GLI2: variants seen among roughly 807,000 people sequenced by gnomAD.
GLI2 encodes transcription activator GLI2.
In GLI2, 22 loss-of-function variants were observed where a neutral mutation model predicts 78.9. The ratio of observed to expected loss-of-function variants is 0.28; its 90% CI spans 0.20 to 0.40. GLI2 has a LOEUF of 0.40. Ranked by LOEUF, GLI2 falls within the 10% of genes least tolerant of loss-of-function variation. The pLI is 1.00. For missense variants in GLI2, 2,097 were observed against 2,213.2 expected, an observed-to-expected ratio of 0.95 and a Z score of 1.05; for synonymous variants, 974 against 963.7, an observed-to-expected ratio of 1.01 and a Z score of -0.20.
intron 2 of GLI2, among the ~76,000 whole-genome samples, chr2:120,816,005 C>G (rs1269321223): frequency 6.6e-6 from 1 of 152,104 alleles, no homozygotes; most frequent in African/African-American, 2.4e-5. Flanking sequence ...TTGTATGACC[C>G]TCCCCCTTGG....
intron 2 of GLI2, among the ~76,000 whole-genome samples, chr2:120,870,153 C>T (rs747096997): frequency 6.6e-6 from 1 of 152,214 alleles, no homozygotes; most frequent in African/African-American, 2.4e-5. Context: ...GTCCAGACAC[C>T]TGGCCTGCCA....
intron 4 of GLI2, among the ~76,000 whole-genome samples, chr2:120,952,316 C>G (rs1394612269): frequency 6.6e-6 from 1 of 152,236 alleles, no homozygotes; most frequent in African/African-American, 2.4e-5. Context: ...TAGAGGACAT[C>G]TGCAACTTGA....
chr2:120,736,595 G>A, intron 1 of GLI2, among the ~76,000 whole-genome samples: 1 of 151,670 alleles, frequency 6.6e-6, no homozygotes, highest in Non-Finnish European at 1.5e-5. Flanking sequence ...GGGGTGCACA[G>A]CGAGCCGGCC....
At chr2:120,827,537 T>G (rs1686141982) in intron 2 of GLI2, among the ~76,000 whole-genome samples, 1 of 152,150 alleles carries the variant, frequency 6.6e-6, no homozygotes, top group Non-Finnish European at 1.5e-5. Flanking sequence ...CCTTTTGGAT[T>G]TAGACTCAGA....
chr2:120,762,131 G>A (rs908409105), intron 1 of GLI2, among the ~76,000 whole-genome samples: 17 of 152,266 alleles, frequency 1.1e-4, no homozygotes, highest in African/African-American at 4.1e-4. Context: ...TAATGAGACC[G>A]AGTAGCCCAA....
chr2:120,858,501 C>T (rs1226714338), intron 2 of GLI2, among the ~76,000 whole-genome samples: 3 of 152,226 alleles, frequency 2.0e-5, no homozygotes, highest in African/African-American at 7.2e-5. Context: ...TGGCCTCTCG[C>T]CTCCACCCTT....
Position 120,781,129 on chromosome 2 carries a change from G to A in GLI2, c.-30-16162G>A, listed in dbSNP as rs147210654. Among the ~76,000 whole-genome samples the A allele has an allele frequency of 3.5e-3, 534 of 152,342 alleles. 3 individuals carry two copies. The highest frequency in any genetic ancestry group is 0.012 in the African/African-American group (505 of 41,570). ...GCTGTCCCTGCTTCTGGGCCTGGTG[G>A]GAGGCTGAGATGAGAGAATAGGAGC... is the stretch of plus-strand genomic sequence containing the variant. On this transcript the variant is annotated intron_variant, in intron 1 of 13. Transcript: ENST00000361492.
chr2:120,741,658 CGGCTTTTCCGCCACGCGGAGCGCT>C (rs1018366094), intron 1 of GLI2, among the ~76,000 whole-genome samples: 1 of 152,112 alleles, frequency 6.6e-6, no homozygotes, highest in Non-Finnish European at 1.5e-5. Flanking sequence ...CCCTCCGCGC[CGGCTTTTCCGCCACGCGGAGCGCT>C]GGCTGGCGAG....
intron 2 of GLI2, among the ~76,000 whole-genome samples, chr2:120,815,642 C>G (rs1685460372): frequency 6.6e-6 from 1 of 152,214 alleles, no homozygotes; most frequent in African/African-American, 2.4e-5. Flanking sequence ...AGAGTGCCTT[C>G]CCCTGCTTTT....
At chr2:120,886,887 C>T (rs1231941301) in intron 2 of GLI2, among the ~76,000 whole-genome samples, 11 of 152,196 alleles carry the variant, frequency 7.2e-5, no homozygotes, top group African/African-American at 1.2e-4. Context: ...GAAGATGCCA[C>T]GGTCTGTCTG....
At chr2:120,934,630 A>G (rs1244587649) in intron 3 of GLI2, among the ~76,000 whole-genome samples, 3 of 152,206 alleles carry the variant, frequency 2.0e-5, no homozygotes, top group Admixed American at 1.3e-4. Context: ...GCTGGTGGGC[A>G]TGGGGGCCTC....
chr2:120,879,117 C>A (rs143988944), intron 2 of GLI2, among the ~76,000 whole-genome samples: 13 of 152,220 alleles, frequency 8.5e-5, no homozygotes, highest in Non-Finnish European at 1.8e-4. Flanking sequence ...GGCATTAGCT[C>A]ATGGATCTCG....
intron 1 of GLI2, among the ~76,000 whole-genome samples, chr2:120,773,374 A>G (rs1260432347): frequency 6.6e-6 from 1 of 152,128 alleles, no homozygotes; most frequent in African/African-American, 2.4e-5. Context: ...GTGAGGGGGA[A>G]GAATCCCACA....
chr2:120,830,233 C>T (rs192272190), intron 2 of GLI2, among the ~76,000 whole-genome samples: 2 of 152,266 alleles, frequency 1.3e-5, no homozygotes, highest in Admixed American at 6.5e-5. Flanking sequence ...GTGCCATCAC[C>T]GGGTCGTGTC....
At chr2:120,929,547 T>C (rs1220029466) in intron 3 of GLI2, among the ~76,000 whole-genome samples, 1 of 152,182 alleles carries the variant, frequency 6.6e-6, no homozygotes, top group Non-Finnish European at 1.5e-5. Context: ...GTATATTTGG[T>C]TGTCTATTGT....
At chr2:120,763,284 A>G (rs1337913241) in intron 1 of GLI2, among the ~76,000 whole-genome samples, 2 of 152,174 alleles carry the variant, frequency 1.3e-5, no homozygotes. Context: ...GCCCCTGTCC[A>G]TTATCAGTGT....
chr2:120,946,248 C>G (rs1435838229), intron 3 of GLI2, among the ~76,000 whole-genome samples: 1 of 152,116 alleles, frequency 6.6e-6, no homozygotes, highest in African/African-American at 2.4e-5. Flanking sequence ...TAGGCACAGC[C>G]CTGTTGGGAG....
rs564366451 is a variant in GLI2, at chr2:120,896,457, G to C, written c.149-30904G>C. Among the ~76,000 whole-genome samples, 18 of 151,812 alleles carry C rather than the reference G, an allele frequency of 1.2e-4. No individual in the cohort carries two copies. In the South Asian group the frequency reaches 2.5e-3, roughly 21 times the overall value. On this transcript the variant is annotated intron_variant, in intron 2 of 13. Transcript: ENST00000361492. ...TTAGCCAGGCCCACCAAGCTGGGGT[G>C]GGGGGGTATTGACAGTAATAAGGAG...
intron 2 of GLI2, among the ~76,000 whole-genome samples, chr2:120,860,314 A>G: frequency 6.6e-6 from 1 of 152,170 alleles, no homozygotes; most frequent in South Asian, 2.1e-4. Context: ...AAGGAGCTGC[A>G]TGAAGGTCTC....
Sources: gnomAD v4.1 joint callset for allele counts (sites outside exome capture counted in the v4.1 genomes callset) on GRCh38, gnomAD v4.1.1 for gene constraint, MANE v1.5 for transcripts, NCBI Gene and HGNC (gene_info 2026-07-23, HGNC 2026-07-21) for gene names.